HYCC2: variants seen among roughly 807,000 people sequenced by gnomAD.
HYCC2 encodes the protein hyccin 2.
chr2:201,027,799 T>C, the HYCC2 span, among the ~76,000 whole-genome samples: 39 of 152,272 alleles, frequency 2.6e-4, 1 homozygote, highest in East Asian at 1.9e-3. Context: ...AAACTAGGTA[T>C]TGATGGAACA....
At chr2:201,016,762 G>T in the HYCC2 span, among the ~76,000 whole-genome samples, 1 of 151,678 alleles carries the variant, frequency 6.6e-6, no homozygotes, top group Non-Finnish European at 1.5e-5. Flanking sequence ...ACCATGCTCA[G>T]CTAATTTCTG....
chr2:201,017,009 C>T, the HYCC2 span: 1 of 1,613,134 alleles, frequency 6.2e-7, no homozygotes, highest in Non-Finnish European at 8.5e-7. Context: ...AAATTCCTAA[C>T]AGAAGTGCTT....
the HYCC2 span, chr2:200,974,477 A>T: frequency 4.6e-5 from 7 of 152,164 alleles, no homozygotes; most frequent in East Asian, 1.3e-3. Flanking sequence ...GTAAGAATAA[A>T]AAAGATTCAG....
the HYCC2 span, among the ~76,000 whole-genome samples, chr2:201,007,825 T>G: frequency 2.0e-5 from 3 of 151,250 alleles, no homozygotes; most frequent in Non-Finnish European, 1.5e-5. Context: ...CATGCCTACA[T>G]AATGATGCCT....
chr2:201,023,919 T>C, the HYCC2 span: 18 of 1,476,476 alleles, frequency 1.2e-5, no homozygotes, highest in East Asian at 1.4e-4. Flanking sequence ...TACTGATGTA[T>C]AGAAAAATAT....
the HYCC2 span, among the ~76,000 whole-genome samples, chr2:201,038,336 G>T: frequency 6.6e-6 from 1 of 152,120 alleles, no homozygotes; most frequent in East Asian, 1.9e-4. Context: ...TCAGTGTGGC[G>T]ATTCCTCAGG....
At chr2:201,033,475 C>T in the HYCC2 span, among the ~76,000 whole-genome samples, 1 of 151,796 alleles carries the variant, frequency 6.6e-6, no homozygotes, top group African/African-American at 2.4e-5. Context: ...GCGATCTCGG[C>T]TCACTGCAAG....
At chr2:201,013,701 T>C in the HYCC2 span, among the ~76,000 whole-genome samples, 1 of 152,168 alleles carries the variant, frequency 6.6e-6, no homozygotes, top group Non-Finnish European at 1.5e-5. Context: ...TCCCACCACA[T>C]CTGGGCCACT....
chr2:201,016,702 C>G, the HYCC2 span, among the ~76,000 whole-genome samples: 1 of 151,756 alleles, frequency 6.6e-6, no homozygotes, highest in African/African-American at 2.4e-5. Flanking sequence ...TCAGTTCCAG[C>G]AATTCTCCTG....
At chr2:200,999,137 C>A in the HYCC2 span, among the ~76,000 whole-genome samples, 1,727 of 152,122 alleles carry the variant, frequency 0.011, 17 homozygotes, top group Non-Finnish European at 0.017. Flanking sequence ...AGTTAAGATA[C>A]CAGAAGAGTT....
chr2:201,043,244 A>G, the HYCC2 span, among the ~76,000 whole-genome samples: 6 of 152,026 alleles, frequency 3.9e-5, no homozygotes, highest in Non-Finnish European at 8.8e-5. Context: ...ACTCCTTAAG[A>G]GTCATCACCA....
At chr2:200,984,844 G>A in the HYCC2 span, among the ~76,000 whole-genome samples, 1 of 152,228 alleles carries the variant, frequency 6.6e-6, no homozygotes, top group Non-Finnish European at 1.5e-5. Flanking sequence ...GAATCTTAAG[G>A]AGGCTGGCTG....
At chr2:201,063,322 G>A in the HYCC2 span, 4 of 1,540,688 alleles carry the variant, frequency 2.6e-6, no homozygotes, top group South Asian at 1.1e-5. Flanking sequence ...GGCCACAGAA[G>A]GTGGATGGAA....
chr2:200,980,180 CA>C, the HYCC2 span: 2 of 152,512 alleles, frequency 1.3e-5, no homozygotes, highest in Admixed American at 1.3e-4. Flanking sequence ...TTTCTTAATC[CA>C]AAATGTCTGA....
the HYCC2 span, among the ~76,000 whole-genome samples, chr2:201,037,501 G>C: frequency 1.3e-5 from 2 of 152,122 alleles, no homozygotes; most frequent in African/African-American, 4.8e-5. Context: ...ATACTACAAG[G>C]CTACAGTAAC....
At chr2:200,987,285 T>C in the HYCC2 span, 2 of 1,177,736 alleles carry the variant, frequency 1.7e-6, no homozygotes, top group Non-Finnish European at 2.2e-6. Context: ...AATGGAAAGA[T>C]GCTCTGCTTG....
At chr2:201,057,257 G>T in the HYCC2 span, among the ~76,000 whole-genome samples, 1 of 152,216 alleles carries the variant, frequency 6.6e-6, no homozygotes, top group African/African-American at 2.4e-5. Flanking sequence ...AAGGGAACAA[G>T]GGAGGACTAT....
chr2:201,070,889 T>C, the HYCC2 span, among the ~76,000 whole-genome samples: 1 of 152,104 alleles, frequency 6.6e-6, no homozygotes, highest in Non-Finnish European at 1.5e-5. Flanking sequence ...CTACAAAACA[T>C]GAACCTGGCC....
At chr2:201,010,075 T>G in the HYCC2 span, among the ~76,000 whole-genome samples, 3 of 143,880 alleles carry the variant, frequency 2.1e-5, no homozygotes, top group East Asian at 6.1e-4. Context: ...CTGCACTCCA[T>G]CCTGGGTGAC....
Sources: gnomAD v4.1 joint callset for allele counts (sites outside exome capture counted in the v4.1 genomes callset) on GRCh38, gnomAD v4.1.1 for gene constraint, MANE v1.5 for transcripts, NCBI Gene and HGNC (gene_info 2026-07-23, HGNC 2026-07-21) for gene names.